The following SLC22A14 variants were observed in gnomAD, a reference collection of about 807,000 sequenced individuals.
The protein encoded by SLC22A14 is solute carrier family 22 member 14, also known as organic cation transporter-like 4.
Under a neutral mutation model 53.9 loss-of-function variants are expected in SLC22A14, and 50 were observed. That is an observed-to-expected ratio of 0.93 (90% CI 0.74 to 1.17). SLC22A14 has a LOEUF of 1.17. Ranked by LOEUF, SLC22A14 falls within the 50% of genes most tolerant of loss-of-function variation. SLC22A14 has a pLI of 0.00. For synonymous variants in SLC22A14, 312 were observed against 303.0 expected (o/e 1.03, Z -0.31); for missense variants, 671 against 734.7 (o/e 0.91, Z 1.00).
At chr3:38,292,370 A>G (rs1161344345) in intron 1 of SLC22A14, among the ~76,000 whole-genome samples, 1 of 152,176 alleles carries the variant, frequency 6.6e-6, no homozygotes, top group East Asian at 1.9e-4. Flanking sequence ...AAGGTCCAGG[A>G]CTGTAAACCA....
In SLC22A14 at chr3:38,311,225, T is replaced by C. The variant is rs151246733; in HGVS notation, c.945-1774T>C. Among the ~76,000 whole-genome samples the C allele has an allele frequency of 1.9e-3, 285 of 152,310 alleles. 5 individuals are homozygous for C. Among genetic ancestry groups the C allele is most frequent in the Admixed American group, 0.014 (210 of 15,298 alleles). ...GTAGGCTGTTAGCAGTGAGCACCAA[T>C]GTACTATGGGTGCTGAAGGTCCCTC... On this transcript the variant is annotated intron_variant, in intron 5 of 10. Transcript: ENST00000448498.
chr3:38,311,344 C>T (rs1375306979), intron 5 of SLC22A14, among the ~76,000 whole-genome samples: 2 of 152,174 alleles, frequency 1.3e-5, no homozygotes, highest in African/African-American at 4.8e-5. Flanking sequence ...TGGGGTTATT[C>T]TTTTAGTGTC....
intron 10 of SLC22A14, among the ~76,000 whole-genome samples, chr3:38,317,864 A>C (rs768429177): frequency 6.6e-6 from 1 of 152,178 alleles, no homozygotes; most frequent in Non-Finnish European, 1.5e-5. Flanking sequence ...CATGTAGCCC[A>C]GCCATCCTCT....
At chr3:38,304,364 T>C (rs553760807) in intron 1 of SLC22A14, among the ~76,000 whole-genome samples, 1 of 152,180 alleles carries the variant, frequency 6.6e-6, no homozygotes, top group Non-Finnish European at 1.5e-5. Flanking sequence ...TATTCTTCGC[T>C]CTCCTGGTTT....
intron 1 of SLC22A14, among the ~76,000 whole-genome samples, chr3:38,285,575 A>G (rs1317399922): frequency 6.6e-6 from 1 of 152,206 alleles, no homozygotes; most frequent in Non-Finnish European, 1.5e-5. Context: ...TACTTTTTTC[A>G]CTGAACATCC....
intron 10 of SLC22A14, 100 bp downstream of exon 10, chr3:38,316,624 C>A: frequency 9.3e-7 from 1 of 1,080,238 alleles, no homozygotes; most frequent in Non-Finnish European, 1.3e-6. Flanking sequence ...GCCCCTCTGC[C>A]GGAGAGCCTG....
intron 8 of SLC22A14, among the ~76,000 whole-genome samples, chr3:38,314,951 A>G (rs529908203): frequency 1.3e-5 from 2 of 152,374 alleles, no homozygotes; most frequent in African/African-American, 4.8e-5. Context: ...GAATGGGAGT[A>G]AGGCCGGGGC....
Position 38,298,256 on chromosome 3 carries a change from A to G in SLC22A14, c.1-7771A>G, listed in dbSNP as rs188588243. Among the ~76,000 whole-genome samples, 13 of 152,266 alleles carry G rather than the reference A, an allele frequency of 8.5e-5. No individual in the cohort carries two copies. In the East Asian group the frequency reaches 2.5e-3, roughly 29 times the overall value. On this transcript the variant is annotated intron_variant, in intron 1 of 10. Transcript: ENST00000448498. ...TGGCACCACAAGATATTTTATAATC[A>G]TCTTGTACTGTCCCTGCTCCAACCC... is the stretch of plus-strand genomic sequence containing the variant.
intron 6 of SLC22A14, 84 bp from the exon 7 acceptor site, chr3:38,313,304 C>T (rs1704524176): frequency 7.3e-7 from 1 of 1,376,764 alleles, no homozygotes. Context: ...CTTTCAGGGA[C>T]AGGCAGGCCT....
At chr3:38,311,801 C>T (rs1458893049) in intron 5 of SLC22A14, among the ~76,000 whole-genome samples, 3 of 152,212 alleles carry the variant, frequency 2.0e-5, no homozygotes, top group South Asian at 2.1e-4. Context: ...TCCATATTTA[C>T]GTCAACATTC....
intron 1 of SLC22A14, among the ~76,000 whole-genome samples, chr3:38,292,414 A>G (rs1023084307): frequency 2.0e-5 from 3 of 152,204 alleles, no homozygotes; most frequent in Non-Finnish European, 4.4e-5. Flanking sequence ...AAAGCAGAGT[A>G]TAAAGGTTAG....
In SLC22A14 at chr3:38,309,244, G is replaced by A. The variant is rs1025930043; in HGVS notation, c.944+122G>A. On this transcript the variant is annotated intron_variant, in intron 5 of 10. Coordinates refer to ENST00000448498, the MANE Select transcript of SLC22A14 (RefSeq NM_001320033.2). The stretch of plus-strand genomic sequence containing the variant: ...TTTCCCCTGGGAGAAAGTGCATGTG[G>A]ATGGGATGAGATAGGAAGGCACCAA... The A allele has an allele frequency of 4.8e-6, 4 of 841,804 alleles. No individual in the cohort carries two copies. In the African/African-American group the frequency reaches 6.7e-5, roughly 14 times the overall value. 52.1% of individuals were successfully genotyped at this position (841,804 alleles called of 1,614,324 possible). A position where few individuals can be genotyped will look rare whatever the true frequency, so the allele number is the denominator to read the frequency against.
intron 2 of SLC22A14, among the ~76,000 whole-genome samples, chr3:38,306,933 T>A (rs1704321920): frequency 6.6e-6 from 1 of 152,194 alleles, no homozygotes; most frequent in South Asian, 2.1e-4. Context: ...CGCCCTAGCA[T>A]GAATCTGCAG....
intron 4 of SLC22A14, among the ~76,000 whole-genome samples, chr3:38,308,429 C>T (rs750885390): frequency 6.6e-6 from 1 of 152,230 alleles, no homozygotes; most frequent in Non-Finnish European, 1.5e-5. Context: ...CAGGGCCACA[C>T]GGCAACTAAG....
In SLC22A14 at chr3:38,307,442, G is replaced by A; in HGVS notation, c.620+85G>A. 6.5e-7 allele frequency: 1 copy of A among 1,527,936 alleles called. No individual in the cohort carries two copies. The highest frequency in any genetic ancestry group is 9.1e-7 in the Non-Finnish European group (1 of 1,102,718). 94.6% of individuals were successfully genotyped at this position (1,527,936 alleles called of 1,614,324 possible). On this transcript the variant is annotated intron_variant, in intron 3 of 10. Transcript: ENST00000448498. This position sits in a 1 kb window ranked among gnomAD's most constrained non-coding sequence, Gnocchi z 4.4. The stretch of plus-strand genomic sequence containing the variant: ...TCAGGGTTGGAGTGTGTCAGGCTGA[G>A]GGAGGTGAGGGTAGGGGTTCTCCAG...
At chr3:38,310,477 G>A (rs1425624337) in intron 5 of SLC22A14, among the ~76,000 whole-genome samples, 2 of 152,126 alleles carry the variant, frequency 1.3e-5, no homozygotes, top group Non-Finnish European at 2.9e-5. Flanking sequence ...AGGGGGATGA[G>A]GTCTGTTCTG....
At chr3:38,288,541 C>T (rs957980975) in intron 1 of SLC22A14, among the ~76,000 whole-genome samples, 1 of 152,158 alleles carries the variant, frequency 6.6e-6, no homozygotes, top group Non-Finnish European at 1.5e-5. Flanking sequence ...CTTTTACATT[C>T]CAATACAAAA....
At chr3:38,309,220 T>A in intron 5 of SLC22A14, 98 bp downstream of exon 5, 1 of 1,089,048 alleles carries the variant, frequency 9.2e-7, no homozygotes, top group Non-Finnish European at 1.4e-6. Flanking sequence ...TGGGTGGGAT[T>A]TCCCCTGGGA....
At chr3:38,292,736 T>C (rs1703940171) in intron 1 of SLC22A14, among the ~76,000 whole-genome samples, 1 of 152,158 alleles carries the variant, frequency 6.6e-6, no homozygotes, top group South Asian at 2.1e-4. Context: ...AATTCCTTCC[T>C]CAAGCAGGGG....
Sources: gnomAD v4.1 joint callset for allele counts (sites outside exome capture counted in the v4.1 genomes callset) on GRCh38, gnomAD v4.1.1 for gene constraint, Gnocchi (gnomAD v3.1) non-coding constraint, MANE v1.5 for transcripts, NCBI Gene and HGNC (gene_info 2026-07-23, HGNC 2026-07-21) for gene names.